CDKN2B-AS1: variants seen among roughly 807,000 people sequenced by gnomAD.
The protein encoded by CDKN2B-AS1 is CDKN2B antisense RNA 1 (non-protein coding).
At chr9:22,009,821 A>C (rs974844874) in intron 1 of CDKN2B-AS1, among the ~76,000 whole-genome samples, 2 of 152,176 alleles carry the variant, frequency 1.3e-5, no homozygotes, top group Non-Finnish European at 2.9e-5. Flanking sequence ...TTTCTCTTGG[A>C]TGTGTCTTTC....
At chr9:22,085,959 G>T (rs1250049662) in intron 4 of CDKN2B-AS1, among the ~76,000 whole-genome samples, 1 of 151,406 alleles carries the variant, frequency 6.6e-6, no homozygotes, top group Admixed American at 6.6e-5. Flanking sequence ...TAAGTATTTG[G>T]CAACACAAAC....
Position 22,088,557 on chromosome 9 carries a change from G to A in CDKN2B-AS1, n.438+32170G>A, listed in dbSNP as rs16905640. ...TACATGTGTTCTCTTACAAGTTACCGTGTGATTCAGTTCACTCCAAACTGC... is the reference window on the plus strand; with the variant it reads ...TACATGTGTTCTCTTACAAGTTACCATGTGATTCAGTTCACTCCAAACTGC... On this transcript the variant is annotated intron_variant and non_coding_transcript_variant, in intron 4 of 4. Coordinates refer to ENST00000650946, the Ensembl canonical transcript of CDKN2B-AS1. Among the ~76,000 whole-genome samples, 1,080 of 152,230 alleles carry A rather than the reference G, an allele frequency of 7.1e-3. 12 individuals are homozygous for A. The highest frequency in any genetic ancestry group is 0.024 in the African/African-American group (1,009 of 41,550).
chr9:22,005,842 C>T lies in CDKN2B-AS1; in HGVS notation n.29+10681C>T, dbSNP rs1821144838. On this transcript the variant is annotated intron_variant and non_coding_transcript_variant, in intron 1 of 4. Coordinates refer to ENST00000650946, the Ensembl canonical transcript of CDKN2B-AS1. The surrounding 1 kb of genome is among the most constrained non-coding windows in gnomAD (Gnocchi z 4.9). ...TATGGAAGGTTATTCCCGGTCGGCTCCTCCTTCCTGTGAGTCTCAGACAGG... is the reference window on the plus strand; with the variant it reads ...TATGGAAGGTTATTCCCGGTCGGCTTCTCCTTCCTGTGAGTCTCAGACAGG... The T allele has an allele frequency of 2.7e-6, 3 of 1,115,342 alleles. No homozygotes were observed. Among genetic ancestry groups the T allele is most frequent in the East Asian group, 2.6e-5 (1 of 38,848 alleles). The allele number at this position is 1,115,342 out of a possible 1,614,324, so 69.1% of individuals were successfully genotyped here.
intron 4 of CDKN2B-AS1, among the ~76,000 whole-genome samples, chr9:22,082,546 T>C (rs1259965290): frequency 1.3e-5 from 2 of 152,216 alleles, no homozygotes; most frequent in Non-Finnish European, 2.9e-5. Context: ...AATGAAGGAA[T>C]AGATAAACGT....
intron 1 of CDKN2B-AS1, among the ~76,000 whole-genome samples, chr9:22,032,045 A>G (rs1346518173): frequency 6.6e-6 from 1 of 152,258 alleles, no homozygotes; most frequent in African/African-American, 2.4e-5. Context: ...GGGAGATTTC[A>G]GATGAGGCCC....
rs541116740 is a variant in CDKN2B-AS1 at position 22,126,251 on chromosome 9, C to G, written n.439-852C>G. 1.0e-3 allele frequency among the ~76,000 whole-genome samples: 157 copies of G among 152,264 alleles called. 5 individuals are homozygous for G. In the South Asian group the frequency reaches 0.032, roughly 31 times the overall value. On this transcript the variant is annotated intron_variant and non_coding_transcript_variant, in intron 4 of 4. Coordinates refer to ENST00000650946, the Ensembl canonical transcript of CDKN2B-AS1. The stretch of plus-strand genomic sequence containing the variant: ...ATGTTTTTCCAGGGCAATCATACAT[C>G]CATGTCCATATTCATGATGAATATG...
intron 1 of CDKN2B-AS1, among the ~76,000 whole-genome samples, chr9:22,044,650 A>T (rs138802137): frequency 1.1e-4 from 17 of 151,932 alleles, no homozygotes; most frequent in African/African-American, 3.9e-4. Flanking sequence ...AATCCTCTGC[A>T]TTGGTTTTGC....
intron 3 of CDKN2B-AS1, among the ~76,000 whole-genome samples, chr9:22,050,660 CG>C (rs1326408147): frequency 6.6e-6 from 1 of 152,092 alleles, no homozygotes; most frequent in African/African-American, 2.4e-5. Context: ...AGTTTTCTGG[CG>C]GTGAAAAGTC....
intron 4 of CDKN2B-AS1, among the ~76,000 whole-genome samples, chr9:22,104,602 A>G (rs769510906): frequency 6.6e-6 from 1 of 152,214 alleles, no homozygotes; most frequent in Non-Finnish European, 1.5e-5. Context: ...TGCTGGGTAT[A>G]AGAAGTTAAA....
At chr9:22,027,598 C>T (rs1186119071) in intron 1 of CDKN2B-AS1, among the ~76,000 whole-genome samples, 1 of 152,138 alleles carries the variant, frequency 6.6e-6, no homozygotes, top group East Asian at 1.9e-4. Context: ...TTCATGGTTA[C>T]TCTTTTTGGG....
intron 1 of CDKN2B-AS1, among the ~76,000 whole-genome samples, chr9:22,016,531 A>T (rs202084398): frequency 1.3e-5 from 2 of 152,130 alleles, no homozygotes; most frequent in African/African-American, 4.8e-5. Context: ...GGCATCATGC[A>T]ACCTGACTTC....
At chr9:22,069,092 T>A (rs531565148) in intron 4 of CDKN2B-AS1, among the ~76,000 whole-genome samples, 2 of 152,336 alleles carry the variant, frequency 1.3e-5, no homozygotes, top group East Asian at 3.9e-4. Context: ...CTTTTTCAGA[T>A]GCCTCTTTTA....
intron 3 of CDKN2B-AS1, among the ~76,000 whole-genome samples, chr9:22,052,640 G>A (rs1823397816): frequency 6.6e-6 from 1 of 152,180 alleles, no homozygotes; most frequent in South Asian, 2.1e-4. Flanking sequence ...AAAACTCGTA[G>A]AATTTGGCTG....
At chr9:22,012,501 G>A in intron 1 of CDKN2B-AS1, 1 of 668,004 alleles carries the variant, frequency 1.5e-6, no homozygotes, top group Non-Finnish European at 2.8e-6. Flanking sequence ...AAGAAGTGTG[G>A]CCACACCAAC....
intron 1 of CDKN2B-AS1, among the ~76,000 whole-genome samples, chr9:22,023,192 T>C (rs1423982842): frequency 6.6e-6 from 1 of 152,224 alleles, no homozygotes; most frequent in East Asian, 1.9e-4. Flanking sequence ...GGGGAAGTTC[T>C]CATGGATGAT....
intron 1 of CDKN2B-AS1, chr9:22,030,844 A>G (rs1245165861): frequency 6.6e-6 from 1 of 152,218 alleles, no homozygotes; most frequent in Non-Finnish European, 1.5e-5. Context: ...AGAAAAACAC[A>G]TCAGGGAACA....
intron 3 of CDKN2B-AS1, among the ~76,000 whole-genome samples, chr9:22,051,688 C>T (rs140144829): frequency 1.3e-5 from 2 of 152,202 alleles, no homozygotes; most frequent in Non-Finnish European, 2.9e-5. Flanking sequence ...GTAAACACTA[C>T]TTAAGAAGGC....
chr9:22,065,187 C>T (rs1823987102), intron 4 of CDKN2B-AS1, among the ~76,000 whole-genome samples: 1 of 152,172 alleles, frequency 6.6e-6, no homozygotes, highest in African/African-American at 2.4e-5. Context: ...AGCACTTCTC[C>T]CGTCCAGAAG....
At chr9:22,122,060 A>ATTTTTT in intron 4 of CDKN2B-AS1, among the ~76,000 whole-genome samples, 1 of 145,492 alleles carries the variant, frequency 6.9e-6, no homozygotes, top group Non-Finnish European at 1.5e-5. Context: ...AGCATTTGTT[A>ATTTTTT]TTTTTTTTTT....
Sources: allele counts gnomAD v4.1 joint callset (sites outside exome capture counted in the v4.1 genomes callset), GRCh38; gene constraint gnomAD v4.1.1; non-coding constraint Gnocchi (gnomAD v3.1); transcripts MANE v1.5; gene names NCBI Gene and HGNC (gene_info 2026-07-23, HGNC 2026-07-21).